UMODL1: variants seen among roughly 807,000 people sequenced by gnomAD.
UMODL1 encodes the protein uromodulin like 1, also known as uromodulin-like 1.
Under a neutral mutation model 136.3 loss-of-function variants are expected in UMODL1, and 128 were observed. The ratio of observed to expected loss-of-function variants is 0.94; its 90% CI spans 0.81 to 1.09. The LOEUF is 1.09. UMODL1 is among the 50% of genes least tolerant of loss of function. UMODL1 has a pLI of 0.00. For synonymous variants in UMODL1, 721 were observed against 720.0 expected (o/e 1.00, Z -0.02); for missense variants, 1,766 against 1,725.6 (o/e 1.02, Z -0.41).
intron 9 of UMODL1, among the ~76,000 whole-genome samples, chr21:42,105,314 C>T (rs887142601): frequency 2.0e-5 from 3 of 152,172 alleles, no homozygotes; most frequent in African/African-American, 7.2e-5. Flanking sequence ...AACCTTCAGG[C>T]GGATCCAGCC....
chr21:42,125,655 C>T (rs1055317016), intron 17 of UMODL1, among the ~76,000 whole-genome samples: 5 of 152,132 alleles, frequency 3.3e-5, no homozygotes, highest in Non-Finnish European at 7.4e-5. Flanking sequence ...GGGGGATGGG[C>T]GGTGATCAGT....
At chr21:42,106,579 G>C (rs2066722760) in intron 9 of UMODL1, among the ~76,000 whole-genome samples, 1 of 152,156 alleles carries the variant, frequency 6.6e-6, no homozygotes, top group African/African-American at 2.4e-5. Flanking sequence ...GGGGTTTCCT[G>C]CGCCAGTCAC....
chr21:42,089,220 C>G (rs1006483624), intron 5 of UMODL1, among the ~76,000 whole-genome samples: 4 of 152,196 alleles, frequency 2.6e-5, no homozygotes, highest in Non-Finnish European at 4.4e-5. Context: ...CCAGGCTAGT[C>G]TGCTGCTCCC....
chr21:42,084,327 G>A, intron 3 of UMODL1, 82 bp downstream of exon 3: 1 of 1,473,418 alleles, frequency 6.8e-7, no homozygotes. Context: ...GGTGTGGGGG[G>A]GAGTGTGTTT....
Position 42,088,500 on chromosome 21 carries a change from T to A in UMODL1, c.790+20T>A, listed in dbSNP as rs1176540269. The A allele has an allele frequency of 6.3e-7, 1 of 1,582,432 alleles. No individual in the cohort carries two copies. Among genetic ancestry groups the A allele is most frequent in the African/African-American group, 1.3e-5 (1 of 74,538 alleles). ...TGCAAGGTTGGGCTTCCCTCAATCC[T>A]CCCTCTGGGGAGGCTGCAGGGTGGT... On this transcript the variant is annotated intron_variant, in intron 5 of 22. Transcript: ENST00000408910.
In UMODL1 at chr21:42,084,170, G is replaced by A; in HGVS notation, c.406G>A (p.Asp136Asn). Residue 136 changes from aspartate to asparagine, a missense_variant, in exon 3 of 23, where the codon GAC becomes AAC. Asp to Asn is a conservative substitution (Grantham distance 23). Transcript: ENST00000408910. ...PEPSTSPCSLDIDCPGLEKCC... is the reference protein window; with the variant it reads ...PEPSTSPCSLNIDCPGLEKCC... Reference sequence around the variant, plus strand: ...ACCATCCACCTCCCCCTGCAGCTTGGACATCGACTGTCCTGGACTTGAGAA... The same window carrying A: ...ACCATCCACCTCCCCCTGCAGCTTGAACATCGACTGTCCTGGACTTGAGAA... 1 of 1,614,074 alleles carries A rather than the reference G, an allele frequency of 6.2e-7. No homozygotes were observed. The highest frequency in any genetic ancestry group is 8.5e-7 in the Non-Finnish European group (1 of 1,180,042).
At chr21:42,109,464 C>A in intron 9 of UMODL1, 98 bp from the exon 10 acceptor site, 5 of 1,542,752 alleles carry the variant, frequency 3.2e-6, no homozygotes, top group Non-Finnish European at 4.4e-6. Flanking sequence ...CCGTTCACTG[C>A]AAAGACGGCT....
chr21:42,127,641 A>G, intron 19 of UMODL1, 31 bp from the exon 20 acceptor site: 1 of 1,601,314 alleles, frequency 6.2e-7, no homozygotes, highest in Non-Finnish European at 8.5e-7. Flanking sequence ...GCTCGCTGAC[A>G]AGCAAGGAGT....
intron 6 of UMODL1, chr21:42,093,850 G>T (rs751735667): frequency 2.2e-6 from 1 of 456,376 alleles, no homozygotes. Context: ...AAAACACTGA[G>T]AACACTCCTG....
chr21:42,109,848 A>G (rs1042812566), intron 10 of UMODL1, 149 bp downstream of exon 10: 9 of 903,478 alleles, frequency 1.0e-5, no homozygotes, highest in Non-Finnish European at 8.1e-6. Flanking sequence ...AATTTATTTT[A>G]AAATCAGAAG....
intron 21 of UMODL1, among the ~76,000 whole-genome samples, chr21:42,135,986 C>G (rs371802305): frequency 5.3e-5 from 8 of 152,232 alleles, no homozygotes; most frequent in East Asian, 3.9e-4. Flanking sequence ...AAGGCTGTTT[C>G]CAATGCAGAC....
intron 17 of UMODL1, among the ~76,000 whole-genome samples, chr21:42,124,602 T>C (rs931186171): frequency 2.6e-5 from 4 of 151,450 alleles, no homozygotes; most frequent in African/African-American, 9.7e-5. Context: ...GGTGGGAAAG[T>C]GGGGCTGTGG....
At chr21:42,074,220 T>C (rs1490835654) in intron 1 of UMODL1, among the ~76,000 whole-genome samples, 1 of 152,198 alleles carries the variant, frequency 6.6e-6, no homozygotes. Flanking sequence ...CTGGCAATCT[T>C]TGGTGTTCCT....
Position 42,110,905 on chromosome 21 carries a change from T to C in UMODL1, c.1683T>C (p.Gly561=), listed in dbSNP as rs1480142138. The C allele has an allele frequency of 1.2e-6, 2 of 1,610,408 alleles. No homozygotes were observed. The highest frequency in any genetic ancestry group is 1.7e-6 in the Non-Finnish European group (2 of 1,179,036). ...GTGACCTGGTGAGCCCCATGGGCGG[T>C]GGACTGTCTGCGGCAACAGGGGTAA... ...CEGDLVSPMG[G]GLSAATGVTV... is the part of the protein sequence containing the mutation. The change falls in exon 11 of 23, where the codon GGT becomes GGC. Residue 561 remains glycine, a synonymous_variant. Transcript: ENST00000408910.
Position 42,129,796 on chromosome 21 carries a change from A to C in UMODL1, c.3774A>C (p.Glu1258Asp). The C allele has an allele frequency of 1.3e-6, 2 of 1,569,850 alleles. No homozygotes were observed. Among genetic ancestry groups the C allele is most frequent in the Non-Finnish European group, 1.7e-6 (2 of 1,163,414 alleles). The change falls in exon 21 of 23, where the codon GAA (glutamate) becomes GAC (aspartate). Residue 1258 changes from glutamate (E) to aspartate (D), a missense_variant and splice_region_variant. Physicochemically the swap from Glu to Asp is conservative, Grantham distance 45 (BLOSUM62 2). Coordinates refer to ENST00000408910, the MANE Select transcript of UMODL1 (RefSeq NM_001004416.3). ...QMSWGPLIRS[E>D]GEPPHAEAGL... Reference sequence around the variant, plus strand: ...CCTGGGGACCCCTCATCCGGTCTGAAGGTGAGTTGATGACTTGGTTTAGAC... The same window carrying C: ...CCTGGGGACCCCTCATCCGGTCTGACGGTGAGTTGATGACTTGGTTTAGAC...
At chr21:42,088,727 C>A (rs567745760) in intron 5 of UMODL1, among the ~76,000 whole-genome samples, 81 of 151,950 alleles carry the variant, frequency 5.3e-4, no homozygotes, top group African/African-American at 1.9e-3. Context: ...CCATTTCCCG[C>A]CCCTCTCCTC....
chr21:42,087,545 T>C (rs970915174), intron 4 of UMODL1, among the ~76,000 whole-genome samples: 1 of 152,214 alleles, frequency 6.6e-6, no homozygotes, highest in African/African-American at 2.4e-5. Flanking sequence ...AGGAAAGTGA[T>C]CATTAAACCT....
At chr21:42,108,460 A>G (rs1569159790) in intron 9 of UMODL1, 2 of 464,818 alleles carry the variant, frequency 4.3e-6, no homozygotes, top group African/African-American at 2.0e-5. Flanking sequence ...TGGAGACCGC[A>G]GGAAGCACAA....
At chr21:42,111,802 C>T (rs1354292201) in intron 12 of UMODL1, 92 bp downstream of exon 12, 6 of 1,290,792 alleles carry the variant, frequency 4.6e-6, no homozygotes, top group African/African-American at 3.0e-5. Flanking sequence ...GCCGTGGAGT[C>T]GCAGGCTGCT....
Sources: allele counts gnomAD v4.1 joint callset (sites outside exome capture counted in the v4.1 genomes callset), GRCh38; gene constraint gnomAD v4.1.1; transcripts MANE v1.5; gene names NCBI Gene and HGNC (gene_info 2026-07-23, HGNC 2026-07-21).